The following ERLEC1 variants were observed in gnomAD, a reference collection of about 807,000 sequenced individuals.
The protein encoded by ERLEC1 is endoplasmic reticulum lectin 1, also known as ER lectin.
A neutral mutation model predicts 68.0 loss-of-function variants in ERLEC1; 47 were observed. The observed-to-expected ratio is 0.69, with a 90% confidence interval of 0.55 to 0.88. The LOEUF is 0.88. Among genes scored for constraint, ERLEC1 ranks in the 40% least tolerant of loss-of-function variants. The pLI, the probability that ERLEC1 is intolerant of heterozygous loss-of-function variation, is 0.00. For synonymous variants in ERLEC1, 225 were observed against 203.2 expected (o/e 1.11, Z -0.91); for missense variants, 567 against 583.8 (o/e 0.97, Z 0.30).
chr2:53,796,114 T>TGC, intron 3 of ERLEC1, 101 bp downstream of exon 3: 1 of 793,432 alleles, frequency 1.3e-6, no homozygotes, highest in Non-Finnish European at 1.9e-6. Context: ...TGTCAGGTTT[T>TGC]TTTTTTTAAC....
chr2:53,795,194 C>T (rs568318624), intron 2 of ERLEC1, among the ~76,000 whole-genome samples: 9 of 152,240 alleles, frequency 5.9e-5, no homozygotes, highest in African/African-American at 2.2e-4. Flanking sequence ...TGACTTCTTT[C>T]AAGATGAAAC....
chr2:53,791,588 C>G (rs550918977), intron 1 of ERLEC1, among the ~76,000 whole-genome samples: 2 of 152,138 alleles, frequency 1.3e-5, no homozygotes, highest in Non-Finnish European at 2.9e-5. Flanking sequence ...AAGTGACTCA[C>G]TATTTCAGCA....
In ERLEC1 at chr2:53,787,355, G is replaced by T. The variant is rs771121050; in HGVS notation, c.145G>T (p.Gly49Cys). 13 of 1,611,326 alleles carry T rather than the reference G, an allele frequency of 8.1e-6. No individual in the cohort carries two copies. Among genetic ancestry groups the T allele is most frequent in the Non-Finnish European group, 1.0e-5 (12 of 1,179,576 alleles). Residue 49 changes from glycine to cysteine, a missense_variant, in exon 1 of 14, where the codon GGC becomes TGC. Physicochemically the swap from Gly to Cys is radical, Grantham distance 159. Coordinates refer to ENST00000185150, the MANE Select transcript of ERLEC1 (RefSeq NM_015701.5). ...CATCCCTTTCCGAGTCAACTGGCCC[G>T]GCACCGAGTTCTCTCTGGTCAGTGC... is the stretch of plus-strand genomic sequence containing the variant. ...DDIPFRVNWPGTEFSLPTTGV... is the reference protein window; with the variant it reads ...DDIPFRVNWPCTEFSLPTTGV...
chr2:53,802,137 C>G (rs1457680638), intron 8 of ERLEC1, among the ~76,000 whole-genome samples: 1 of 152,090 alleles, frequency 6.6e-6, no homozygotes, highest in African/African-American at 2.4e-5. Flanking sequence ...GAAAAATAGA[C>G]TAAAACCCTA....
Position 53,808,426 on chromosome 2 carries a change from A to C in ERLEC1, c.1007A>C (p.Lys336Thr), listed in dbSNP as rs755796158. 6.2e-7 allele frequency: 1 copy of C among 1,614,110 alleles called. No individual in the cohort carries two copies. The highest frequency in any genetic ancestry group is 8.5e-7 in the Non-Finnish European group (1 of 1,180,030). Residue 336 changes from lysine (K) to threonine (T), a missense_variant, in exon 9 of 14, where the codon AAA (lysine) becomes ACA (threonine). Coordinates refer to ENST00000185150, the MANE Select transcript of ERLEC1 (RefSeq NM_015701.5). ...ISKLTDDQLI[K>T]EFLSGSYCFR... ...AAATTGACAGATGACCAACTCATAA[A>C]AGAGTTTCTTAGTGGTTCTTACTGC...
intron 3 of ERLEC1, among the ~76,000 whole-genome samples, chr2:53,796,339 T>C (rs1675701851): frequency 6.6e-6 from 1 of 151,754 alleles, no homozygotes; most frequent in Non-Finnish European, 1.5e-5. Context: ...TTTGTGTCCA[T>C]GTGTTCTCAT....
At chr2:53,807,940 G>A (rs139505063) in intron 8 of ERLEC1, among the ~76,000 whole-genome samples, 158 of 151,880 alleles carry the variant, frequency 1.0e-3, no homozygotes, top group African/African-American at 3.8e-3. Context: ...CAGGAGAATT[G>A]CTTTAACCCA....
chr2:53,787,046 A>C lies in ERLEC1; in HGVS notation c.-165A>C, dbSNP rs1675068004. On this transcript the variant is annotated 5_prime_UTR_variant, in exon 1 of 14. Transcript: ENST00000185150. ...GGTGACAGGAGGCTCAAGGGGGCGG[A>C]GGCGGCGTTGCCGGGCTCTCCGGAA... 1.9e-5 allele frequency: 18 copies of C among 925,344 alleles called. No individual in the cohort carries two copies. In the Admixed American group the frequency reaches 3.7e-4, roughly 19 times the overall value. 57.3% of individuals were successfully genotyped at this position (925,344 alleles called of 1,614,324 possible).
intron 1 of ERLEC1, 106 bp downstream of exon 1, chr2:53,787,478 ACT>A: frequency 2.2e-6 from 3 of 1,338,768 alleles, no homozygotes; most frequent in Non-Finnish European, 3.0e-6. Context: ...TTCTCTGCAG[ACT>A]CTTACCTTCC....
intron 2 of ERLEC1, among the ~76,000 whole-genome samples, chr2:53,795,249 C>A (rs1175043761): frequency 6.6e-6 from 1 of 152,112 alleles, no homozygotes; most frequent in African/African-American, 2.4e-5. Flanking sequence ...GGCCTAGGAG[C>A]CAGGAGGCTG....
intron 10 of ERLEC1, among the ~76,000 whole-genome samples, chr2:53,812,677 C>A (rs1676652177): frequency 6.6e-6 from 1 of 152,016 alleles, no homozygotes; most frequent in Non-Finnish European, 1.5e-5. Flanking sequence ...TGGGACTTAC[C>A]TGTAGAAGAG....
In ERLEC1 at chr2:53,803,596, C is replaced by CA. The variant is rs55851874; in HGVS notation, c.879+1771dup. ...CTAGACAACTAAAACCCTGTCTCTACAAAAAAAAAAAAAAAAATTCAGCCA... is the reference window on the plus strand; with the variant it reads ...CTAGACAACTAAAACCCTGTCTCTACAAAAAAAAAAAAAAAAAATTCAGCCA... On this transcript the variant is annotated intron_variant, in intron 8 of 13. Transcript: ENST00000185150. 5.3e-3 allele frequency among the ~76,000 whole-genome samples: 576 copies of CA among 108,732 alleles called. 2 individuals carry two copies. The highest frequency in any genetic ancestry group is 7.5e-3 in the Non-Finnish European group (372 of 49,780). The allele number at this position is 108,732 out of a possible 152,430, so 71.3% of individuals were successfully genotyped here.
chr2:53,813,067 C>A lies in ERLEC1; in HGVS notation c.1220C>A (p.Thr407Lys). The A allele has an allele frequency of 5.0e-6, 8 of 1,609,522 alleles. No homozygotes were observed. Among genetic ancestry groups the A allele is most frequent in the Non-Finnish European group, 6.8e-6 (8 of 1,179,114 alleles). The change falls in exon 11 of 14, where the codon ACA becomes AAA. Residue 407 changes from threonine (T) to lysine (K), a missense_variant. Thr to Lys is a moderately conservative substitution (Grantham distance 78). Coordinates refer to ENST00000185150, the MANE Select transcript of ERLEC1 (RefSeq NM_015701.5). Reference protein sequence around the residue: ...AYHLQDDGTQTVRMVSHFYGN... With the variant: ...AYHLQDDGTQKVRMVSHFYGN... Reference sequence around the variant, plus strand: ...CATCTTCAAGACGATGGTACCCAGACAGTCAGGTAAAGATTCACTTTACTT... The same window carrying A: ...CATCTTCAAGACGATGGTACCCAGAAAGTCAGGTAAAGATTCACTTTACTT...
Position 53,808,281 on chromosome 2 carries a change from G to A in ERLEC1, c.880-18G>A, listed in dbSNP as rs116784223. The A allele has an allele frequency of 1.8e-3, 2,890 of 1,610,052 alleles. 41 individuals are homozygous for A. The African/African-American group carries it at 0.034, about 19-fold the overall frequency. On this transcript the variant is annotated intron_variant, in intron 8 of 13. Coordinates refer to ENST00000185150, the MANE Select transcript of ERLEC1 (RefSeq NM_015701.5). ...AAGTTTGGCATGGAAACCCTTAAACGTGTGTGTTTAATTTTAGGAAGATTT... is the reference window on the plus strand; with the variant it reads ...AAGTTTGGCATGGAAACCCTTAAACATGTGTGTTTAATTTTAGGAAGATTT...
At chr2:53,787,671 A>G (rs1675132214) in intron 1 of ERLEC1, 1 of 319,552 alleles carries the variant, frequency 3.1e-6, no homozygotes, top group African/African-American at 2.1e-5. Flanking sequence ...TTCGTAGAAT[A>G]ACGTCAGGTG....
intron 8 of ERLEC1, among the ~76,000 whole-genome samples, chr2:53,806,971 T>C (rs1160428418): frequency 1.3e-5 from 2 of 152,336 alleles, no homozygotes; most frequent in East Asian, 3.9e-4. Context: ...TTAGATTCTC[T>C]TCATCTCTCA....
chr2:53,806,246 A>G (rs1469332338), intron 8 of ERLEC1, among the ~76,000 whole-genome samples: 1 of 152,218 alleles, frequency 6.6e-6, no homozygotes, highest in Non-Finnish European at 1.5e-5. Flanking sequence ...TATATAAACT[A>G]CCATCCTATT....
intron 1 of ERLEC1, 115 bp downstream of exon 1, chr2:53,787,487 T>A (rs1334094646): frequency 5.7e-6 from 7 of 1,222,542 alleles, no homozygotes; most frequent in African/African-American, 3.0e-5. Context: ...GACTCTTACC[T>A]TCCCCAAGCC....
chr2:53,808,376 C>T lies in ERLEC1; in HGVS notation c.957C>T (p.Leu319=), dbSNP rs1477389009. The T allele has an allele frequency of 2.5e-6, 4 of 1,614,182 alleles. No homozygotes were observed. Among genetic ancestry groups the T allele is most frequent in the Non-Finnish European group, 2.5e-6 (3 of 1,180,022 alleles). Reference sequence around the variant, plus strand: ...TTGCTATTGGCTCTCAGCCAGTGCTCACTGTTGGGACAACCCACATATCCA... The same window carrying T: ...TTGCTATTGGCTCTCAGCCAGTGCTTACTGTTGGGACAACCCACATATCCA... The part of the protein sequence containing the change: ...KSIAIGSQPV[L]TVGTTHISKL... Residue 319 remains leucine, a synonymous_variant, in exon 9 of 14, where the codon CTC becomes CTT. Coordinates refer to ENST00000185150, the MANE Select transcript of ERLEC1 (RefSeq NM_015701.5).
Sources: gnomAD v4.1 joint callset for allele counts (sites outside exome capture counted in the v4.1 genomes callset) on GRCh38, gnomAD v4.1.1 for gene constraint, MANE v1.5 for transcripts, NCBI Gene and HGNC (gene_info 2026-07-23, HGNC 2026-07-21) for gene names.